The following TNNT1 variants were observed in gnomAD, a reference collection of about 807,000 sequenced individuals.
TNNT1 encodes troponin T, slow skeletal muscle.
TNNT1 carries 53 observed loss-of-function variants against 50.6 expected under a neutral mutation model. That is an observed-to-expected ratio of 1.05 (90% confidence interval 0.84 to 1.32). The LOEUF (loss-of-function observed/expected upper bound fraction) is 1.32. Ranked by LOEUF, TNNT1 falls within the 40% of genes most tolerant of loss-of-function variation. The pLI, the probability that TNNT1 is intolerant of heterozygous loss-of-function variation, is 0.00. For missense variants in TNNT1, 348 were observed against 381.7 expected (o/e 0.91, Z 0.74); for synonymous variants, 142 against 138.0 (o/e 1.03, Z -0.20).
chr19:55,139,550 A>G (rs1317063736), intron 9 of TNNT1, among the ~76,000 whole-genome samples: 1 of 152,074 alleles, frequency 6.6e-6, no homozygotes, highest in African/African-American at 2.4e-5. Flanking sequence ...AGCATCTTCA[A>G]ATCTCTCAGT....
chr19:55,134,244 T>G (rs911862538), intron 11 of TNNT1, 40 bp from the exon 12 acceptor site: 56 of 1,545,920 alleles, frequency 3.6e-5, no homozygotes, highest in Middle Eastern at 3.7e-4. Flanking sequence ...CCCAGAGAGG[T>G]TGTGGGAACC....
intron 3 of TNNT1, 44 bp from the exon 4 acceptor site, chr19:55,146,751 A>G: frequency 2.8e-6 from 4 of 1,427,846 alleles, no homozygotes; most frequent in East Asian, 2.5e-5. Flanking sequence ...GAGCTGGGGG[A>G]GGGATGGGGG....
chr19:55,145,489 G>C, intron 6 of TNNT1, 55 bp downstream of exon 6: 1 of 1,572,008 alleles, frequency 6.4e-7, no homozygotes, highest in Admixed American at 1.7e-5. Context: ...TCTGGGGGTA[G>C]AGGGAATATT....
intron 11 of TNNT1, 22 bp from the exon 12 acceptor site, chr19:55,134,226 A>G: frequency 6.4e-7 from 1 of 1,554,830 alleles, no homozygotes; most frequent in Non-Finnish European, 8.7e-7. Context: ...GACGGAGAGG[A>G]ACTTGGGCCC....
Position 55,137,154 on chromosome 19 carries a change from G to A in TNNT1, c.560C>T (p.Ser187Phe), listed in dbSNP as rs2085360181. ...AATGTCCAGAGGCTTCTTACGCTCGGAGAGGATGCGCACCTTCATCTCCCG... is the reference window on the plus strand; with the variant it reads ...AATGTCCAGAGGCTTCTTACGCTCGAAGAGGATGCGCACCTTCATCTCCCG... ...TGREMKVRILSERKKPLDIDY... is the reference protein window; with the variant it reads ...TGREMKVRILFERKKPLDIDY... Residue 187 changes from serine (S) to phenylalanine (F), a missense_variant, in exon 11 of 14, where the codon TCC (serine) becomes TTC (phenylalanine). By Grantham distance (155) the Ser-to-Phe change is radical. Coordinates refer to ENST00000588981, the MANE Select transcript of TNNT1 (RefSeq NM_003283.6). 1 of 1,613,052 alleles carries A rather than the reference G, an allele frequency of 6.2e-7. No individual in the cohort carries two copies. Among genetic ancestry groups the A allele is most frequent in the Non-Finnish European group, 8.5e-7 (1 of 1,179,728 alleles).
intron 9 of TNNT1, among the ~76,000 whole-genome samples, chr19:55,139,811 A>AT (rs1037983939): frequency 3.4e-4 from 51 of 151,634 alleles, no homozygotes; most frequent in East Asian, 2.1e-3. Context: ...AAATAAAAAA[A>AT]AATAATAATA....
chr19:55,136,805 A>G (rs960349390), intron 11 of TNNT1, among the ~76,000 whole-genome samples: 2 of 152,178 alleles, frequency 1.3e-5, no homozygotes, highest in Non-Finnish European at 2.9e-5. Context: ...CTGAGCTCCA[A>G]GGCACATCAC....
At chr19:55,143,777 T>A (rs2085499904) in intron 6 of TNNT1, among the ~76,000 whole-genome samples, 1 of 152,110 alleles carries the variant, frequency 6.6e-6, no homozygotes. Flanking sequence ...ACTTCAGGTA[T>A]CATCAACTGC....
At chr19:55,136,352 G>A (rs1344693221) in intron 11 of TNNT1, among the ~76,000 whole-genome samples, 2 of 152,100 alleles carry the variant, frequency 1.3e-5, no homozygotes, top group Non-Finnish European at 1.5e-5. Context: ...CTCCCAAAGT[G>A]CTGGAATTAC....
At chr19:55,145,340 G>A (rs1266962064) in intron 6 of TNNT1, 2 of 632,054 alleles carry the variant, frequency 3.2e-6, no homozygotes, top group African/African-American at 1.9e-5. Context: ...GGAAGGGGAA[G>A]AAGAGGAAGT....
At chr19:55,144,395 T>G (rs1169177656) in intron 6 of TNNT1, among the ~76,000 whole-genome samples, 1 of 152,078 alleles carries the variant, frequency 6.6e-6, no homozygotes, top group East Asian at 1.9e-4. Flanking sequence ...TATTTATGTT[T>G]TAGAGACAGG....
intron 6 of TNNT1, among the ~76,000 whole-genome samples, chr19:55,144,269 C>T (rs963063036): frequency 6.6e-6 from 1 of 152,026 alleles, no homozygotes; most frequent in African/African-American, 2.4e-5. Context: ...AGAGTTTCAC[C>T]ATGTTGACCG....
rs1333276641 is a variant in TNNT1, at chr19:55,145,315, A to G, written c.128+229T>C. The G allele has an allele frequency of 1.8e-5, 10 of 563,596 alleles. No homozygotes were observed. In the East Asian group the frequency reaches 3.1e-4, roughly 17 times the overall value. 34.9% of individuals were successfully genotyped at this position (563,596 alleles called of 1,614,324 possible). A position where few individuals can be genotyped will look rare whatever the true frequency, so the allele number is the denominator to read the frequency against. ...ATGACCACGATGAAGAAGAAGGGGA[A>G]GGAGAAGGAGAAGGGGAAGGGGAAG... On this transcript the variant is annotated intron_variant, in intron 6 of 13. Transcript: ENST00000588981.
chr19:55,145,129 A>G (rs1037870581), intron 6 of TNNT1, among the ~76,000 whole-genome samples: 2 of 86,944 alleles, frequency 2.3e-5, no homozygotes, highest in Admixed American at 1.3e-4. Context: ...CCTCATCTCT[A>G]CAAAAAGAAA....
At chr19:55,147,319 TGGG>T in intron 1 of TNNT1, 151 bp from the exon 2 acceptor site, 1 of 670,302 alleles carries the variant, frequency 1.5e-6, no homozygotes, top group Non-Finnish European at 2.5e-6. Context: ...TCTGGACTCC[TGGG>T]TGTGAGAGAG....
intron 11 of TNNT1, among the ~76,000 whole-genome samples, chr19:55,136,014 G>T (rs975757764): frequency 9.9e-5 from 15 of 152,232 alleles, no homozygotes; most frequent in African/African-American, 3.4e-4. Flanking sequence ...TAGACATTTT[G>T]CCCCCTGGAG....
chr19:55,146,785 A>C, intron 3 of TNNT1, 78 bp from the exon 4 acceptor site: 1 of 1,250,248 alleles, frequency 8.0e-7, no homozygotes, highest in Non-Finnish European at 1.1e-6. Flanking sequence ...CCAGGGTTCC[A>C]GTCTCTGCTG....
intron 11 of TNNT1, chr19:55,135,527 T>C (rs1159510791): frequency 1.2e-5 from 2 of 165,268 alleles, no homozygotes; most frequent in South Asian, 9.6e-5. Flanking sequence ...ACCTCAGCCT[T>C]TTTTTTTTTT....
chr19:55,135,318 T>C (rs750729819), intron 11 of TNNT1, among the ~76,000 whole-genome samples: 1 of 152,154 alleles, frequency 6.6e-6, no homozygotes, highest in Non-Finnish European at 1.5e-5. Flanking sequence ...GCAGAAAACA[T>C]AGGAGTCTGG....
Sources: gnomAD v4.1 joint callset for allele counts (sites outside exome capture counted in the v4.1 genomes callset) on GRCh38, gnomAD v4.1.1 for gene constraint, MANE v1.5 for transcripts, NCBI Gene and HGNC (gene_info 2026-07-23, HGNC 2026-07-21) for gene names.